The following RBM33 variants were observed in gnomAD, a reference collection of about 807,000 sequenced individuals.
The protein encoded by RBM33 is RNA binding motif protein 33.
In RBM33, 28 loss-of-function variants were observed where a neutral mutation model predicts 132.6. The observed-to-expected ratio is 0.21, with a 90% CI of 0.16 to 0.29. The LOEUF is 0.29. RBM33 is among the 10% of genes least tolerant of loss of function. The probability of loss-of-function intolerance (pLI) is 1.00; values close to 1 mark genes in which losing one functional copy is unlikely to be tolerated. For missense variants in RBM33, 1,291 were observed against 1,518.5 expected (o/e 0.85, Z 2.49); for synonymous variants, 634 against 593.0 (o/e 1.07, Z -1.01).
intron 1 of RBM33, among the ~76,000 whole-genome samples, chr7:155,664,642 A>AGTT (rs1798749583): frequency 6.6e-6 from 1 of 152,178 alleles, no homozygotes; most frequent in Non-Finnish European, 1.5e-5. Flanking sequence ...CGTCTGTTGA[A>AGTT]GTTTCACCTA....
intron 9 of RBM33, among the ~76,000 whole-genome samples, chr7:155,734,297 C>A (rs1013696779): frequency 6.6e-6 from 1 of 152,160 alleles, no homozygotes; most frequent in Non-Finnish European, 1.5e-5. Flanking sequence ...AACCTCCTCC[C>A]TCTGTTGAAT....
At chr7:155,710,558 T>G (rs1800251944) in intron 7 of RBM33, among the ~76,000 whole-genome samples, 1 of 152,210 alleles carries the variant, frequency 6.6e-6, no homozygotes. Context: ...CTTTCCTGCC[T>G]TCTTCCCTGG....
chr7:155,743,418 T>G (rs1275576410), intron 13 of RBM33, among the ~76,000 whole-genome samples: 3 of 152,260 alleles, frequency 2.0e-5, no homozygotes, highest in Non-Finnish European at 4.4e-5. Flanking sequence ...TGGCGATCAC[T>G]TCCTTCCATG....
intron 14 of RBM33, among the ~76,000 whole-genome samples, chr7:155,756,695 G>C (rs755664382): frequency 1.2e-4 from 19 of 152,122 alleles, no homozygotes; most frequent in Admixed American, 9.8e-4. Context: ...AGGAGAGGCC[G>C]AATGTCACTG....
Position 155,665,258 on chromosome 7 carries a change from G to T in RBM33, c.122+5G>T. On this transcript the variant is annotated splice_donor_5th_base_variant and intron_variant, in intron 2 of 17. Transcript: ENST00000401878. ...TGCTGATGAGGACTGGGACAGGTAC[G>T]TGCACCCTGTGCTTCACCTAACTGC... 9 of 1,612,146 alleles carry T rather than the reference G, an allele frequency of 5.6e-6. No homozygotes were observed. The highest frequency in any genetic ancestry group is 1.1e-5 in the South Asian group (1 of 91,032).
At chr7:155,656,377 G>GT (rs1798491920) in intron 1 of RBM33, among the ~76,000 whole-genome samples, 1 of 151,688 alleles carries the variant, frequency 6.6e-6, no homozygotes, top group Admixed American at 6.6e-5. Flanking sequence ...AACATAACAG[G>GT]TATGAAATAT....
intron 9 of RBM33, among the ~76,000 whole-genome samples, chr7:155,727,293 C>T (rs1800821399): frequency 6.6e-6 from 1 of 152,162 alleles, no homozygotes; most frequent in Non-Finnish European, 1.5e-5. Context: ...CTGACAACTG[C>T]TCCTGTTGGC....
At chr7:155,658,215 C>G (rs1798543964) in intron 1 of RBM33, among the ~76,000 whole-genome samples, 2 of 152,140 alleles carry the variant, frequency 1.3e-5, no homozygotes, top group East Asian at 1.9e-4. Flanking sequence ...AGTATTCCTT[C>G]TTTTTGAAAC....
chr7:155,707,571 ATGTACC>A (rs1370008613), intron 7 of RBM33, among the ~76,000 whole-genome samples: 1 of 152,234 alleles, frequency 6.6e-6, no homozygotes, highest in East Asian at 1.9e-4. Flanking sequence ...GGAATAAATC[ATGTACC>A]TGTAATTTCA....
intron 5 of RBM33, among the ~76,000 whole-genome samples, chr7:155,696,019 C>T (rs946544687): frequency 4.6e-5 from 7 of 152,120 alleles, no homozygotes; most frequent in Non-Finnish European, 1.0e-4. Context: ...AATGACTTTC[C>T]TTTCCCTTTG....
chr7:155,721,376 A>G lies in RBM33; in HGVS notation c.1260+2933A>G, dbSNP rs776937836. On this transcript the variant is annotated intron_variant, in intron 9 of 17. Transcript: ENST00000401878. The stretch of plus-strand genomic sequence containing the variant: ...GACCTTACTGCTTATTAGGAGCCCT[A>G]CATAGAATAAGTAATGTAAAGGGGG... 7.9e-5 allele frequency among the ~76,000 whole-genome samples: 12 copies of G among 152,258 alleles called. No homozygotes were observed. The Middle Eastern group carries it at 0.01, about 129-fold the overall frequency.
At chr7:155,728,249 TAC>T (rs1800849845) in intron 9 of RBM33, among the ~76,000 whole-genome samples, 1 of 152,182 alleles carries the variant, frequency 6.6e-6, no homozygotes, top group Non-Finnish European at 1.5e-5. Flanking sequence ...TGGATTTATC[TAC>T]CATTCAGTTG....
chr7:155,688,145 A>G (rs1294252738), intron 5 of RBM33, among the ~76,000 whole-genome samples: 1 of 151,996 alleles, frequency 6.6e-6, no homozygotes, highest in Non-Finnish European at 1.5e-5. Context: ...GTCCTCTTTT[A>G]TTTCATTGAG....
In RBM33 at chr7:155,647,651, C is replaced by T. The variant is rs560408757; in HGVS notation, c.43+2732C>T. ...TTGCCAAGGTGCCCAGGCAGGAACT[C>T]GGGCTCAAGTGATCTGCCCGCCTCA... On this transcript the variant is annotated intron_variant, in intron 1 of 17. Coordinates refer to ENST00000401878, the MANE Select transcript of RBM33 (RefSeq NM_053043.3). Among the ~76,000 whole-genome samples, 15 of 152,222 alleles carry T rather than the reference C, an allele frequency of 9.9e-5. No individual in the cohort carries two copies. In the South Asian group the frequency reaches 2.1e-3, roughly 21 times the overall value.
Position 155,665,206 on chromosome 7 carries a change from C to A in RBM33, c.75C>A (p.Gly25=). ...DDDFDQFDKP[G]AERSWRRRAA... ...ACTTTGACCAGTTTGATAAGCCTGGCGCGGAACGGTCGTGGAGAAGAAGAG... is the reference window on the plus strand; with the variant it reads ...ACTTTGACCAGTTTGATAAGCCTGGAGCGGAACGGTCGTGGAGAAGAAGAG... The change falls in exon 2 of 18, where the codon GGC becomes GGA. Residue 25 remains glycine (G), a synonymous_variant. Transcript: ENST00000401878. 1.2e-6 allele frequency: 2 copies of A among 1,613,786 alleles called. No homozygotes were observed. Among genetic ancestry groups the A allele is most frequent in the Non-Finnish European group, 8.5e-7 (1 of 1,179,766 alleles).
intron 14 of RBM33, among the ~76,000 whole-genome samples, chr7:155,751,117 G>A (rs938514244): frequency 6.6e-6 from 1 of 152,096 alleles, no homozygotes; most frequent in Non-Finnish European, 1.5e-5. Context: ...TCCGTTTTGT[G>A]GAGCTTGGGG....
chr7:155,679,230 A>T (rs1337084039), intron 4 of RBM33, among the ~76,000 whole-genome samples: 1 of 152,144 alleles, frequency 6.6e-6, no homozygotes, highest in Non-Finnish European at 1.5e-5. Flanking sequence ...GATCCCTGTG[A>T]GTTCTGTTCA....
intron 1 of RBM33, among the ~76,000 whole-genome samples, chr7:155,654,476 G>GT (rs1798439865): frequency 6.6e-6 from 1 of 151,962 alleles, no homozygotes; most frequent in African/African-American, 2.4e-5. Flanking sequence ...TGCTTTTCTA[G>GT]TAATGCCCCA....
chr7:155,717,319 G>A (rs1050511989), intron 8 of RBM33, among the ~76,000 whole-genome samples: 5 of 152,078 alleles, frequency 3.3e-5, no homozygotes, highest in African/African-American at 7.2e-5. Flanking sequence ...TTGCCTTGTC[G>A]TTGGCCACCT....
Sources: allele counts gnomAD v4.1 joint callset (sites outside exome capture counted in the v4.1 genomes callset), GRCh38; gene constraint gnomAD v4.1.1; transcripts MANE v1.5; gene names NCBI Gene and HGNC (gene_info 2026-07-23, HGNC 2026-07-21).